SLC6A6: variants seen among roughly 807,000 people sequenced by gnomAD.
The protein encoded by SLC6A6 is sodium- and chloride-dependent taurine transporter.
SLC6A6 carries 16 observed loss-of-function variants against 68.8 expected under a neutral mutation model. The observed-to-expected ratio is 0.23, with a 90% CI of 0.16 to 0.35. SLC6A6 has a LOEUF of 0.35. Among genes scored for constraint, SLC6A6 ranks in the 10% least tolerant of loss-of-function variants. The pLI, the probability that SLC6A6 is intolerant of heterozygous loss-of-function variation, is 1.00. For synonymous variants in SLC6A6, 312 were observed against 315.4 expected, an observed-to-expected ratio of 0.99 and a Z score of 0.12; for missense variants, 474 against 802.8, an observed-to-expected ratio of 0.59 and a Z score of 4.95.
At chr3:14,442,461 C>G (rs895792729) in intron 2 of SLC6A6, among the ~76,000 whole-genome samples, 1 of 152,180 alleles carries the variant, frequency 6.6e-6, no homozygotes. Flanking sequence ...CCCTTGAAGG[C>G]AGGGGACCCA....
At chr3:14,460,298 C>T (rs1700466201) in intron 6 of SLC6A6, among the ~76,000 whole-genome samples, 2 of 151,680 alleles carry the variant, frequency 1.3e-5, no homozygotes, top group Admixed American at 6.6e-5. Context: ...TGTAACAAAA[C>T]GAATGGGAAA....
intron 2 of SLC6A6, among the ~76,000 whole-genome samples, chr3:14,428,576 G>A (rs1699653049): frequency 1.3e-5 from 2 of 152,196 alleles, no homozygotes; most frequent in South Asian, 4.1e-4. Flanking sequence ...GCAGAGACAG[G>A]TTTATTTATG....
At chr3:14,455,572 G>A (rs892812077) in intron 5 of SLC6A6, among the ~76,000 whole-genome samples, 1 of 152,218 alleles carries the variant, frequency 6.6e-6, no homozygotes, top group Non-Finnish European at 1.5e-5. Flanking sequence ...ACAGACAGGG[G>A]CTCTACAGTG....
intron 6 of SLC6A6, among the ~76,000 whole-genome samples, chr3:14,466,232 A>G (rs561522316): frequency 1.3e-5 from 2 of 150,510 alleles, no homozygotes; most frequent in South Asian, 2.1e-4. Flanking sequence ...ATTGCACTCC[A>G]GCCTGGGTGA....
chr3:14,434,243 A>G (rs1277855339), intron 2 of SLC6A6, among the ~76,000 whole-genome samples: 3 of 152,100 alleles, frequency 2.0e-5, no homozygotes, highest in African/African-American at 7.2e-5. Context: ...GCCTCTTTCC[A>G]TCATCCGGGC....
chr3:14,467,279 G>A (rs1254062706), intron 7 of SLC6A6, among the ~76,000 whole-genome samples: 2 of 152,182 alleles, frequency 1.3e-5, no homozygotes, highest in Non-Finnish European at 2.9e-5. Flanking sequence ...GTTGTGAGAG[G>A]GGTTGGCCAG....
chr3:14,465,997 C>T (rs1268452746), intron 6 of SLC6A6, among the ~76,000 whole-genome samples: 4 of 152,306 alleles, frequency 2.6e-5, no homozygotes, highest in Middle Eastern at 3.4e-3. Flanking sequence ...CGCTGTGGCT[C>T]ATGCCTATAA....
At chr3:14,475,178 T>A (rs1211442258) in intron 10 of SLC6A6, among the ~76,000 whole-genome samples, 1 of 152,098 alleles carries the variant, frequency 6.6e-6, no homozygotes, top group Non-Finnish European at 1.5e-5. Flanking sequence ...ATTACAGGCA[T>A]GTGCCACCAT....
At position 14,416,407 on chromosome 3, in the gene SLC6A6, A is replaced by G; in HGVS notation, c.-53-5A>G. 1 of 398,768 alleles carries G rather than the reference A, an allele frequency of 2.5e-6. No individual in the cohort carries two copies. The highest frequency in any genetic ancestry group is 3.6e-5 in the East Asian group (1 of 28,072). The allele number at this position is 398,768 out of a possible 1,614,324, so 24.7% of individuals were successfully genotyped here. ...TTCCGTCTTCGCTTCCTCTCTTTGC[A>G]ATAGATCCAGAACCAGAACCACAGC... On this transcript the variant is annotated splice_region_variant and splice_polypyrimidine_tract_variant and intron_variant, in intron 1 of 14. Coordinates refer to ENST00000622186, the MANE Select transcript of SLC6A6 (RefSeq NM_003043.6).
rs1700690615 is a variant in SLC6A6, at chr3:14,468,935, A to G, written c.1096+723A>G. ...CAGACGGGGAACTTAGGAATCTGGG[A>G]TCCCAGAGTTCCAGCAAGGTGCTTC... On this transcript the variant is annotated intron_variant, in intron 9 of 14. Coordinates refer to ENST00000622186, the MANE Select transcript of SLC6A6 (RefSeq NM_003043.6). This position sits in a 1 kb window ranked among gnomAD's most constrained non-coding sequence, Gnocchi z 4.5. Among the ~76,000 whole-genome samples, 2 of 152,078 alleles carry G rather than the reference A, an allele frequency of 1.3e-5. No homozygotes were observed. Among genetic ancestry groups the G allele is most frequent in the Admixed American group, 6.5e-5 (1 of 15,270 alleles).
chr3:14,476,178 G>A (rs1322764504), intron 10 of SLC6A6, among the ~76,000 whole-genome samples: 4 of 152,230 alleles, frequency 2.6e-5, no homozygotes, highest in African/African-American at 9.6e-5. Flanking sequence ...AAGTGCTGCT[G>A]TGTGCTCTTT....
At chr3:14,441,177 C>T (rs562981632) in intron 2 of SLC6A6, among the ~76,000 whole-genome samples, 6 of 152,218 alleles carry the variant, frequency 3.9e-5, no homozygotes, top group African/African-American at 1.2e-4. Flanking sequence ...CAGCTCCTAG[C>T]GGGGATGGAC....
chr3:14,437,650 A>C (rs1395679018), intron 2 of SLC6A6, among the ~76,000 whole-genome samples: 1 of 152,094 alleles, frequency 6.6e-6, no homozygotes, highest in Non-Finnish European at 1.5e-5. Context: ...AACAGTTTTC[A>C]AGTATACAAT....
chr3:14,405,245 C>G (rs1699080604), intron 1 of SLC6A6, among the ~76,000 whole-genome samples: 1 of 152,150 alleles, frequency 6.6e-6, no homozygotes, highest in Admixed American at 6.5e-5. Flanking sequence ...CTCATTCTCC[C>G]TTCCTTGTGC....
chr3:14,448,003 C>T (rs1263229113), intron 5 of SLC6A6, 187 bp downstream of exon 5: 5 of 1,399,144 alleles, frequency 3.6e-6, no homozygotes, highest in South Asian at 1.5e-5. Flanking sequence ...CTGCCACTTA[C>T]TGGCTGTTTG....
intron 2 of SLC6A6, among the ~76,000 whole-genome samples, chr3:14,418,514 G>A (rs1265936967): frequency 1.3e-5 from 2 of 152,180 alleles, no homozygotes; most frequent in East Asian, 3.9e-4. Context: ...GGCAGGCATG[G>A]AGGTGACCTA....
At chr3:14,458,103 T>C in intron 6 of SLC6A6, 21 bp downstream of exon 6, 1 of 1,609,976 alleles carries the variant, frequency 6.2e-7, no homozygotes. Context: ...CTTCTGTCCG[T>C]CCCCTGCCTC....
intron 7 of SLC6A6, 72 bp downstream of exon 7, chr3:14,466,722 T>C: frequency 7.3e-7 from 1 of 1,375,142 alleles, no homozygotes; most frequent in Non-Finnish European, 9.8e-7. Flanking sequence ...GGGCAGGATG[T>C]AGAGGCCACT....
intron 6 of SLC6A6, among the ~76,000 whole-genome samples, chr3:14,463,625 T>G (rs762215232): frequency 4.1e-4 from 63 of 152,318 alleles, no homozygotes; most frequent in Middle Eastern, 3.4e-3. Flanking sequence ...TGGCCGCCTG[T>G]CCGCCTGTCC....
Sources: gnomAD v4.1 joint callset for allele counts (sites outside exome capture counted in the v4.1 genomes callset) on GRCh38, gnomAD v4.1.1 for gene constraint, Gnocchi (gnomAD v3.1) non-coding constraint, MANE v1.5 for transcripts, NCBI Gene and HGNC (gene_info 2026-07-23, HGNC 2026-07-21) for gene names.